MEGF11: variants seen among roughly 807,000 people sequenced by gnomAD.
MEGF11 encodes multiple epidermal growth factor-like domains protein 11.
Under a neutral mutation model 146.6 loss-of-function variants are expected in MEGF11, and 126 were observed. The observed-to-expected ratio is 0.86, with a 90% CI of 0.74 to 1.00. The LOEUF (loss-of-function observed/expected upper bound fraction) is 1.00. MEGF11 is among the 50% of genes least tolerant of loss of function. The pLI is 0.00. For synonymous variants in MEGF11, 532 were observed against 583.4 expected (o/e 0.91, Z 1.27); for missense variants, 1,509 against 1,521.2 (o/e 0.99, Z 0.13).
At chr15:66,038,291 G>A (rs1326600612) in intron 5 of MEGF11, among the ~76,000 whole-genome samples, 1 of 152,184 alleles carries the variant, frequency 6.6e-6, no homozygotes, top group Non-Finnish European at 1.5e-5. Context: ...GGAAAGAGCA[G>A]GGCTCAGGGG....
rs11435723 is a variant in MEGF11 at position 66,040,926 on chromosome 15, T to TC, written c.394+53475dup. On this transcript the variant is annotated intron_variant, in intron 5 of 25. Transcript: ENST00000395614. ...CAGAGGAAGGGACTTTTTTTTTTTT[T>TC]CCCCCCCGGTTTTCACAAAGAGGCC... 8.2e-3 allele frequency among the ~76,000 whole-genome samples: 1,187 copies of TC among 145,176 alleles called. 8 individuals carry two copies. The highest frequency in any genetic ancestry group is 0.021 in the African/African-American group (833 of 39,282).
At chr15:66,086,818 G>A (rs1316648286) in intron 5 of MEGF11, among the ~76,000 whole-genome samples, 1 of 152,130 alleles carries the variant, frequency 6.6e-6, no homozygotes, top group Non-Finnish European at 1.5e-5. Context: ...GAATGCAACG[G>A]TACCTCACAT....
At chr15:66,025,844 A>G (rs940277167) in intron 5 of MEGF11, among the ~76,000 whole-genome samples, 2 of 152,294 alleles carry the variant, frequency 1.3e-5, no homozygotes, top group Middle Eastern at 3.4e-3. Context: ...CAACCCCACA[A>G]TGATGGGGGA....
At chr15:66,063,317 G>A (rs1244381997) in intron 5 of MEGF11, among the ~76,000 whole-genome samples, 2 of 152,202 alleles carry the variant, frequency 1.3e-5, no homozygotes, top group African/African-American at 4.8e-5. Flanking sequence ...TGGTTGCTGG[G>A]TAGAGAATGA....
chr15:66,130,730 G>GAGGGAGGGAGGAAGGA (rs56371892), intron 1 of MEGF11, among the ~76,000 whole-genome samples: 15 of 141,084 alleles, frequency 1.1e-4, no homozygotes, highest in South Asian at 2.5e-4. Flanking sequence ...AAGAGGGAGG[G>GAGGGAGGGAGGAAGGA]AGGAAGGAAG....
chr15:65,924,390 G>A (rs1464669453), intron 13 of MEGF11, among the ~76,000 whole-genome samples: 10 of 150,504 alleles, frequency 6.6e-5, no homozygotes, highest in Admixed American at 6.6e-4. Flanking sequence ...GGGGGCAAGT[G>A]GTTTCCTCCC....
chr15:66,154,865 C>G (rs1375933111), intron 1 of MEGF11, among the ~76,000 whole-genome samples: 1 of 152,146 alleles, frequency 6.6e-6, no homozygotes, highest in African/African-American at 2.4e-5. Context: ...ATGTTCCAAC[C>G]AATATTCAAG....
intron 1 of MEGF11, among the ~76,000 whole-genome samples, chr15:66,229,464 C>T (rs1453380915): frequency 5.3e-5 from 8 of 152,178 alleles, no homozygotes; most frequent in Admixed American, 5.2e-4. Flanking sequence ...ACTGGAAATA[C>T]ATTTTTTAAT....
At chr15:66,123,364 T>C (rs1461424257) in intron 3 of MEGF11, among the ~76,000 whole-genome samples, 1 of 152,216 alleles carries the variant, frequency 6.6e-6, no homozygotes, top group Admixed American at 6.5e-5. Context: ...GGGCTACATC[T>C]GCTCAGGGCA....
intron 1 of MEGF11, among the ~76,000 whole-genome samples, chr15:66,227,558 T>G (rs1178395466): frequency 6.6e-6 from 1 of 152,128 alleles, no homozygotes; most frequent in Non-Finnish European, 1.5e-5. Context: ...TTCTTTCCAC[T>G]TCTCTATGCC....
rs11634482 is a variant in MEGF11, at chr15:65,897,629, A to G, written c.*305T>C. Reference sequence around the variant, plus strand: ...TTTTTAAAATATCACGTTTCAGATAAATATATATATATATATCAGCTATAT... The same window carrying G: ...TTTTTAAAATATCACGTTTCAGATAGATATATATATATATATCAGCTATAT... On this transcript the variant is annotated 3_prime_UTR_variant, in exon 26 of 26. Coordinates refer to ENST00000395614, the MANE Select transcript of MEGF11 (RefSeq NM_001385028.1). The G allele has an allele frequency of 1.8e-4, 32 of 178,766 alleles. No homozygotes were observed. The highest frequency in any genetic ancestry group is 3.4e-4 in the Non-Finnish European group (29 of 86,300). The allele number at this position is 178,766 out of a possible 1,614,324, so 11.1% of individuals were successfully genotyped here. A position where few individuals can be genotyped will look rare whatever the true frequency, so the allele number is the denominator to read the frequency against.
At chr15:66,197,297 C>A (rs914159559) in intron 1 of MEGF11, among the ~76,000 whole-genome samples, 1 of 152,044 alleles carries the variant, frequency 6.6e-6, no homozygotes, top group African/African-American at 2.4e-5. Flanking sequence ...GAGTCTGATG[C>A]GATAATCCCA....
At chr15:65,941,972 G>A (rs2080008017) in intron 10 of MEGF11, among the ~76,000 whole-genome samples, 1 of 151,988 alleles carries the variant, frequency 6.6e-6, no homozygotes, top group Non-Finnish European at 1.5e-5. Flanking sequence ...CTTGGTGACA[G>A]GCTTGTGCCA....
chr15:65,962,538 C>T (rs2080896420), intron 9 of MEGF11, among the ~76,000 whole-genome samples: 1 of 152,188 alleles, frequency 6.6e-6, no homozygotes, highest in Non-Finnish European at 1.5e-5. Context: ...GAAACCCTAA[C>T]TTCAACTGAA....
chr15:66,062,428 G>A (rs1245429195), intron 5 of MEGF11, among the ~76,000 whole-genome samples: 2 of 152,204 alleles, frequency 1.3e-5, no homozygotes, highest in African/African-American at 4.8e-5. Flanking sequence ...GAGAACTGTG[G>A]GCAGCCTCTA....
chr15:65,998,837 C>A (rs12900854), intron 5 of MEGF11, among the ~76,000 whole-genome samples: 5 of 152,072 alleles, frequency 3.3e-5, no homozygotes, highest in African/African-American at 1.2e-4. Context: ...TCAGGCGTGG[C>A]CCACAGCAGC....
At chr15:66,150,804 C>T (rs987785851) in intron 1 of MEGF11, among the ~76,000 whole-genome samples, 1 of 143,756 alleles carries the variant, frequency 7.0e-6, no homozygotes, top group African/African-American at 2.6e-5. Context: ...CCAGCCTGGG[C>T]AATAGAGCAA....
At chr15:65,980,347 A>G (rs1330301593) in intron 7 of MEGF11, among the ~76,000 whole-genome samples, 2 of 142,604 alleles carry the variant, frequency 1.4e-5, no homozygotes, top group Non-Finnish European at 3.1e-5. Flanking sequence ...GTGATGCCCT[A>G]TGGCGATAAA....
chr15:65,912,392 T>TA (rs750483249), intron 20 of MEGF11, 192 bp from the exon 21 acceptor site: 8 of 376,122 alleles, frequency 2.1e-5, no homozygotes, highest in Non-Finnish European at 3.3e-5. Flanking sequence ...CTCCTTCCCT[T>TA]ACGCTGGTCC....
Sources: allele counts gnomAD v4.1 joint callset (sites outside exome capture counted in the v4.1 genomes callset), GRCh38; gene constraint gnomAD v4.1.1; transcripts MANE v1.5; gene names NCBI Gene and HGNC (gene_info 2026-07-23, HGNC 2026-07-21).